The following PKD2L1 variants were observed in gnomAD, a reference collection of about 807,000 sequenced individuals.
The protein encoded by PKD2L1 is polycystin-2-like protein 1.
A neutral mutation model predicts 93.0 loss-of-function variants in PKD2L1; 77 were observed. That is an observed-to-expected ratio of 0.83 (90% CI 0.69 to 1.00). The LOEUF (loss-of-function observed/expected upper bound fraction) is 1.00. Among genes scored for constraint, PKD2L1 ranks in the 50% least tolerant of loss-of-function variants. The probability of loss-of-function intolerance (pLI) is 0.00; values close to 1 mark genes in which losing one functional copy is unlikely to be tolerated. For synonymous variants in PKD2L1, 390 were observed against 388.0 expected (o/e 1.01, Z -0.06); for missense variants, 977 against 990.9 (o/e 0.99, Z 0.19).
chr10:100,297,428 C>T lies in PKD2L1; in HGVS notation c.910G>A (p.Asp304Asn), dbSNP rs1848569372. 1.2e-5 allele frequency: 19 copies of T among 1,614,138 alleles called. No homozygotes were observed. Among genetic ancestry groups the T allele is most frequent in the Non-Finnish European group, 1.4e-5 (17 of 1,180,016 alleles). Reference protein sequence around the residue: ...LDRGTRVVFIDFSVYNANINL... With the variant: ...LDRGTRVVFINFSVYNANINL... Reference sequence around the variant, plus strand: ...ATATTGGCATTGTAGACTGAGAAGTCGATGAACACCACTCGAGTGCCCCTG... The same window carrying T: ...ATATTGGCATTGTAGACTGAGAAGTTGATGAACACCACTCGAGTGCCCCTG... The change falls in exon 5 of 16, where the codon GAC becomes AAC. Residue 304 changes from aspartate (D) to asparagine (N), a missense_variant. By Grantham distance (23) the Asp-to-Asn change is conservative. Transcript: ENST00000318222.
chr10:100,289,329 C>T (rs1848351899), intron 14 of PKD2L1, among the ~76,000 whole-genome samples: 1 of 152,144 alleles, frequency 6.6e-6, no homozygotes. Context: ...CACCTGAGGT[C>T]AGGAGTTCGA....
chr10:100,326,628 C>G (rs1006895699), intron 2 of PKD2L1, among the ~76,000 whole-genome samples: 15 of 152,226 alleles, frequency 9.9e-5, no homozygotes, highest in African/African-American at 2.9e-4. Flanking sequence ...AGTCTGCAGG[C>G]AGGCAACCAG....
intron 2 of PKD2L1, among the ~76,000 whole-genome samples, chr10:100,300,142 A>G (rs1848643618): frequency 6.6e-6 from 1 of 152,208 alleles, no homozygotes; most frequent in Non-Finnish European, 1.5e-5. Flanking sequence ...CAAAGTCTAG[A>G]GTACTCCCTC....
intron 2 of PKD2L1, among the ~76,000 whole-genome samples, chr10:100,317,757 C>A (rs958777737): frequency 7.9e-5 from 12 of 151,916 alleles, no homozygotes; most frequent in African/African-American, 2.7e-4. Flanking sequence ...TCTCAGGAAG[C>A]CCTAGGGGTC....
intron 12 of PKD2L1, 126 bp downstream of exon 12, chr10:100,291,175 T>C (rs1385844916): frequency 1.0e-6 from 1 of 984,796 alleles, no homozygotes; most frequent in Non-Finnish European, 1.5e-6. Context: ...TGGGAACTAC[T>C]ATTCTAGAGA....
At position 100,299,645 on chromosome 10, in the gene PKD2L1, T is replaced by C. The variant is rs765358515; in HGVS notation, c.423A>G (p.Pro141=). The part of the protein sequence containing the change: ...KVMSELFLHT[P]SDTGVSFQAI... ...CCTGAAAGGAGACTCCAGTGTCTGA[T>C]GGAGTATGTAAGAAGAGCTCAGACA... Residue 141 remains proline, a synonymous_variant, in exon 3 of 16, where the codon CCA becomes CCG. Coordinates refer to ENST00000318222, the MANE Select transcript of PKD2L1 (RefSeq NM_016112.3). 6.2e-6 allele frequency: 10 copies of C among 1,612,824 alleles called. No homozygotes were observed. The highest frequency in any genetic ancestry group is 8.5e-6 in the Non-Finnish European group (10 of 1,178,856).
chr10:100,289,620 C>A (rs1466106988), intron 14 of PKD2L1, among the ~76,000 whole-genome samples: 1 of 152,146 alleles, frequency 6.6e-6, no homozygotes, highest in Non-Finnish European at 1.5e-5. Flanking sequence ...AAGGGCACAG[C>A]AAGAAGACAG....
chr10:100,316,315 G>A (rs1357864333), intron 2 of PKD2L1, among the ~76,000 whole-genome samples: 4 of 152,164 alleles, frequency 2.6e-5, no homozygotes, highest in South Asian at 4.1e-4. Context: ...TAGGATTACC[G>A]GCATGCGCCA....
intron 2 of PKD2L1, among the ~76,000 whole-genome samples, chr10:100,326,052 T>TTTTAAAAATGGGA (rs1849372219): frequency 6.6e-6 from 1 of 152,144 alleles, no homozygotes; most frequent in East Asian, 1.9e-4. Flanking sequence ...AGGTTTTTGT[T>TTTTAAAAATGGGA]TTTAAAAATC....
intron 7 of PKD2L1, 71 bp from the exon 8 acceptor site, chr10:100,295,194 GC>G (rs1258188888): frequency 8.9e-6 from 11 of 1,233,690 alleles, no homozygotes; most frequent in African/African-American, 4.5e-5. Flanking sequence ...CATGCCAAGG[GC>G]CTATGGAGGC....
Position 100,306,313 on chromosome 10 carries a change from A to G in PKD2L1, c.350-6595T>C, listed in dbSNP as rs532112398. Among the ~76,000 whole-genome samples the G allele has an allele frequency of 1.1e-3, 172 of 152,300 alleles. 3 individuals are homozygous for G. The South Asian group carries it at 0.033, about 29-fold the overall frequency. On this transcript the variant is annotated intron_variant, in intron 2 of 15. Transcript: ENST00000318222. ...TCAGTCCTACTTGTCTTCAATAGAA[A>G]TGTCAAGAAGGCAGTGGGTTTCCCA...
intron 2 of PKD2L1, among the ~76,000 whole-genome samples, chr10:100,321,682 A>G (rs1244602070): frequency 1.2e-3 from 1 of 832 alleles, no homozygotes; most frequent in African/African-American, 3.8e-3. Flanking sequence ...AAAGAAAGAA[A>G]GAAAGAAAGA....
intron 6 of PKD2L1, 58 bp from the exon 7 acceptor site, chr10:100,296,350 C>T: frequency 1.4e-6 from 2 of 1,426,194 alleles, no homozygotes; most frequent in South Asian, 2.8e-5. Flanking sequence ...AAGGGAAGTT[C>T]CAAGATGAGG....
chr10:100,294,491 C>T, intron 9 of PKD2L1, 44 bp downstream of exon 9: 1 of 1,611,820 alleles, frequency 6.2e-7, no homozygotes, highest in Non-Finnish European at 8.5e-7. Context: ...CAAAACTCCA[C>T]CCTGCAGGCT....
intron 4 of PKD2L1, 63 bp downstream of exon 4, chr10:100,298,499 C>T (rs1032923372): frequency 6.4e-7 from 1 of 1,559,736 alleles, no homozygotes. Flanking sequence ...GTTCCCAGAC[C>T]TTGGGATGGT....
intron 2 of PKD2L1, among the ~76,000 whole-genome samples, chr10:100,319,913 T>G (rs1849190331): frequency 6.6e-6 from 1 of 152,214 alleles, no homozygotes; most frequent in African/African-American, 2.4e-5. Flanking sequence ...ACCTTCAATG[T>G]TTCCTCCATC....
chr10:100,288,677 C>CTT (rs112981669), intron 15 of PKD2L1, among the ~76,000 whole-genome samples, 199 bp from the exon 16 acceptor site: 6 of 147,664 alleles, frequency 4.1e-5, no homozygotes, highest in African/African-American at 7.4e-5. Context: ...TGTTTGTTAA[C>CTT]TTTTTTTTTT....
At position 100,329,441 on chromosome 10, in the gene PKD2L1, A is replaced by G. The variant is rs1314001194; in HGVS notation, c.236-117T>C. 3 of 1,406,982 alleles carry G rather than the reference A, an allele frequency of 2.1e-6. No individual in the cohort carries two copies. In the East Asian group the frequency reaches 7.2e-5, roughly 34 times the overall value. 87.2% of individuals were successfully genotyped at this position (1,406,982 alleles called of 1,614,324 possible). ...CCACCCCTGCCCTTCCTTGCCCATCACCTTCATCCTTGGCTGAATCTGGCT... is the reference window on the plus strand; with the variant it reads ...CCACCCCTGCCCTTCCTTGCCCATCGCCTTCATCCTTGGCTGAATCTGGCT... On this transcript the variant is annotated intron_variant, in intron 1 of 15. Coordinates refer to ENST00000318222, the MANE Select transcript of PKD2L1 (RefSeq NM_016112.3).
At chr10:100,320,197 G>A (rs1223581099) in intron 2 of PKD2L1, among the ~76,000 whole-genome samples, 3 of 152,204 alleles carry the variant, frequency 2.0e-5, no homozygotes, top group East Asian at 1.9e-4. Flanking sequence ...CAGGATTGTC[G>A]TCAGGATCAA....
Sources: allele counts gnomAD v4.1 joint callset (sites outside exome capture counted in the v4.1 genomes callset), GRCh38; gene constraint gnomAD v4.1.1; transcripts MANE v1.5; gene names NCBI Gene and HGNC (gene_info 2026-07-23, HGNC 2026-07-21).